Variants in POU6F2 observed in about 807,000 individuals in gnomAD.
POU6F2 encodes the protein POU domain, class 6, transcription factor 2.
POU6F2 carries 31 observed loss-of-function variants against 71.3 expected under a neutral mutation model. That is an observed-to-expected ratio of 0.43 (90% CI 0.33 to 0.59). POU6F2 has a LOEUF of 0.59. POU6F2 is among the 20% of genes least tolerant of loss of function. The pLI, the probability that POU6F2 is intolerant of heterozygous loss-of-function variation, is 0.04. For synonymous variants in POU6F2, 347 were observed against 355.7 expected, an observed-to-expected ratio of 0.98 and a Z score of 0.27; for missense variants, 783 against 856.8, an observed-to-expected ratio of 0.91 and a Z score of 1.07.
At chr7:39,133,988 C>A in intron 2 of POU6F2, among the ~76,000 whole-genome samples, 1 of 152,252 alleles carries the variant, frequency 6.6e-6, no homozygotes, top group Middle Eastern at 3.4e-3. Flanking sequence ...GATCCTCCCA[C>A]CTCAGCCTCC....
chr7:39,002,011 C>A (rs530762320), intron 1 of POU6F2: 1 of 152,202 alleles, frequency 6.6e-6, no homozygotes, highest in Admixed American at 6.5e-5. Flanking sequence ...TTAAAACTAA[C>A]CTGTGGTAAA....
chr7:39,395,214 A>C (rs1787149698), intron 5 of POU6F2, among the ~76,000 whole-genome samples: 1 of 152,148 alleles, frequency 6.6e-6, no homozygotes, highest in African/African-American at 2.4e-5. Flanking sequence ...CTCCCTCTAC[A>C]AGCACGTGCC....
chr7:39,040,239 A>G (rs1790164949), intron 1 of POU6F2, among the ~76,000 whole-genome samples: 2 of 146,276 alleles, frequency 1.4e-5, no homozygotes, highest in Admixed American at 1.4e-4. Flanking sequence ...AAAATAATGC[A>G]TAGGTAGTAA....
In POU6F2 at chr7:39,387,488, G is replaced by A. The variant is rs1208530250; in HGVS notation, c.973-19112G>A. Among the ~76,000 whole-genome samples the A allele has an allele frequency of 8.5e-5, 13 of 152,272 alleles. No individual in the cohort carries two copies. In the South Asian group the frequency reaches 2.3e-3, roughly 27 times the overall value. On this transcript the variant is annotated intron_variant, in intron 5 of 9. Coordinates refer to ENST00000518318, the MANE Select transcript of POU6F2 (RefSeq NM_001370959.1). ...AATGTACTCTCTACAGTTCCATTACGTCTCTAACAAATACACTAGTTTTTC... is the reference window on the plus strand; with the variant it reads ...AATGTACTCTCTACAGTTCCATTACATCTCTAACAAATACACTAGTTTTTC...
intron 2 of POU6F2, among the ~76,000 whole-genome samples, chr7:39,134,036 G>A (rs993353911): frequency 6.6e-6 from 1 of 151,812 alleles, no homozygotes; most frequent in Non-Finnish European, 1.5e-5. Flanking sequence ...CACCATGACC[G>A]GCTAATTTTT....
intron 4 of POU6F2, among the ~76,000 whole-genome samples, chr7:39,246,351 T>C (rs960301651): frequency 1.3e-5 from 2 of 152,106 alleles, no homozygotes; most frequent in African/African-American, 4.8e-5. Context: ...AATTGCAAAT[T>C]GTGATTAGTA....
At chr7:39,319,397 A>G (rs935465633) in intron 4 of POU6F2, among the ~76,000 whole-genome samples, 7 of 150,824 alleles carry the variant, frequency 4.6e-5, no homozygotes, top group African/African-American at 1.7e-4. Context: ...ATATTTACAG[A>G]TAACTCTTTC....
At chr7:39,332,442 C>G (rs968043540) in intron 4 of POU6F2, among the ~76,000 whole-genome samples, 4 of 152,134 alleles carry the variant, frequency 2.6e-5, no homozygotes, top group African/African-American at 4.8e-5. Flanking sequence ...GCTGAAGTAC[C>G]TATTCAACTT....
chr7:39,367,947 ATGT>A (rs1173213437), intron 5 of POU6F2, among the ~76,000 whole-genome samples: 1 of 152,110 alleles, frequency 6.6e-6, no homozygotes, highest in African/African-American at 2.4e-5. Context: ...TAATCGATAA[ATGT>A]TGTGTGTATT....
chr7:39,200,004 TG>T (rs1301638808), intron 2 of POU6F2, among the ~76,000 whole-genome samples: 1 of 152,232 alleles, frequency 6.6e-6, no homozygotes, highest in Admixed American at 6.5e-5. Flanking sequence ...TAAAATTACC[TG>T]TGAACAAATC....
chr7:39,034,220 T>TA (rs1790009567), intron 1 of POU6F2: 1 of 164,770 alleles, frequency 6.1e-6, no homozygotes. Flanking sequence ...AGTTATGGAT[T>TA]TGGGTGAGGG....
Position 39,021,409 on chromosome 7 carries a change from C to T in POU6F2, c.105+43351C>T, listed in dbSNP as rs1789676393. Among the ~76,000 whole-genome samples the T allele has an allele frequency of 2.6e-5, 4 of 151,868 alleles. No individual in the cohort carries two copies. The South Asian group carries it at 6.2e-4, about 24-fold the overall frequency. ...GCAAGATCGAAACTCTATTTATAGC[C>T]TTACTCCATAACCCCAGACTAAGAT... is the stretch of plus-strand genomic sequence containing the variant. On this transcript the variant is annotated intron_variant, in intron 1 of 9. Transcript: ENST00000518318.
At chr7:39,177,075 TA>T (rs1195408000) in intron 2 of POU6F2, among the ~76,000 whole-genome samples, 10 of 152,236 alleles carry the variant, frequency 6.6e-5, no homozygotes, top group Admixed American at 6.5e-4. Context: ...AATGCATAGT[TA>T]ACTGCATTTT....
intron 2 of POU6F2, among the ~76,000 whole-genome samples, chr7:39,114,087 G>T (rs1054896876): frequency 6.6e-6 from 1 of 152,156 alleles, no homozygotes; most frequent in East Asian, 1.9e-4. Context: ...ATGAATCCAT[G>T]CATGTACCTA....
At chr7:39,068,105 G>A (rs1319875128) in intron 1 of POU6F2, among the ~76,000 whole-genome samples, 1 of 151,964 alleles carries the variant, frequency 6.6e-6, no homozygotes, top group Non-Finnish European at 1.5e-5. Context: ...CTGGTTTTTT[G>A]ATAGCCCAGC....
chr7:39,014,967 T>C, intron 1 of POU6F2, among the ~76,000 whole-genome samples: 1 of 152,124 alleles, frequency 6.6e-6, no homozygotes, highest in Non-Finnish European at 1.5e-5. Context: ...CAAGAGCCTT[T>C]GGGCAGAAGG....
At chr7:39,140,066 G>T (rs73365537) in intron 2 of POU6F2, among the ~76,000 whole-genome samples, 1 of 152,138 alleles carries the variant, frequency 6.6e-6, no homozygotes, top group Admixed American at 6.5e-5. Flanking sequence ...ATACATAAAG[G>T]GTGATCTTGT....
intron 2 of POU6F2, among the ~76,000 whole-genome samples, chr7:39,122,427 A>G (rs947361243): frequency 6.6e-6 from 1 of 152,182 alleles, no homozygotes; most frequent in African/African-American, 2.4e-5. Context: ...CTGAATGGGC[A>G]TGTTCATAGG....
chr7:39,263,640 CAT>C (rs931525181), intron 4 of POU6F2, among the ~76,000 whole-genome samples: 9 of 147,440 alleles, frequency 6.1e-5, no homozygotes, highest in Non-Finnish European at 1.3e-4. Flanking sequence ...CATACAATTA[CAT>C]GTGTGTGCAT....
Sources: gnomAD v4.1 joint callset for allele counts (sites outside exome capture counted in the v4.1 genomes callset) on GRCh38, gnomAD v4.1.1 for gene constraint, MANE v1.5 for transcripts, NCBI Gene and HGNC (gene_info 2026-07-23, HGNC 2026-07-21) for gene names.